CDH12: variants seen among roughly 807,000 people sequenced by gnomAD.
The protein encoded by CDH12 is cadherin 12, also known as cadherin-12.
Under a neutral mutation model 74.1 loss-of-function variants are expected in CDH12, and 41 were observed. That is an observed-to-expected ratio of 0.55 (90% CI 0.43 to 0.72). CDH12 has a LOEUF of 0.72. Ranked by LOEUF, CDH12 falls within the 30% of genes least tolerant of loss-of-function variation. CDH12 has a pLI of 0.00. For missense variants in CDH12, 945 were observed against 977.2 expected (o/e 0.97, Z 0.44); for synonymous variants, 399 against 355.0 (o/e 1.12, Z -1.39).
At chr5:21,925,285 T>A (rs968005194) in intron 6 of CDH12, among the ~76,000 whole-genome samples, 1 of 152,198 alleles carries the variant, frequency 6.6e-6, no homozygotes, top group African/African-American at 2.4e-5. Flanking sequence ...AGGAAACTGC[T>A]TTTCAAGTCC....
intron 6 of CDH12, among the ~76,000 whole-genome samples, chr5:21,909,009 C>A (rs1268388107): frequency 6.6e-6 from 1 of 152,012 alleles, no homozygotes; most frequent in African/African-American, 2.4e-5. Flanking sequence ...TCTTTTTTTC[C>A]TTGGCTTCTG....
At chr5:22,751,364 T>A (rs1745567377) in intron 1 of CDH12, among the ~76,000 whole-genome samples, 1 of 148,576 alleles carries the variant, frequency 6.7e-6, no homozygotes. Flanking sequence ...ATATAATATC[T>A]ACAAAGTATA....
chr5:22,726,897 T>C (rs529875669), intron 1 of CDH12, among the ~76,000 whole-genome samples: 3 of 151,988 alleles, frequency 2.0e-5, no homozygotes, highest in South Asian at 4.1e-4. Flanking sequence ...AGAATACTTA[T>C]ATATTGTTTT....
intron 3 of CDH12, among the ~76,000 whole-genome samples, chr5:22,230,369 T>G (rs958819391): frequency 2.0e-5 from 3 of 152,166 alleles, no homozygotes; most frequent in African/African-American, 4.8e-5. Flanking sequence ...CTGGGTAGAT[T>G]GCCCTGTTCA....
chr5:22,255,748 T>C (rs1461888780), intron 3 of CDH12, among the ~76,000 whole-genome samples: 1 of 151,778 alleles, frequency 6.6e-6, no homozygotes, highest in Non-Finnish European at 1.5e-5. Context: ...AAATAACTGA[T>C]CTAGAACAAG....
intron 2 of CDH12, among the ~76,000 whole-genome samples, chr5:22,438,881 A>C (rs563799790): frequency 6.6e-6 from 1 of 151,882 alleles, no homozygotes; most frequent in Admixed American, 6.6e-5. Context: ...GAAGAAAATA[A>C]ATTTAATAAT....
intron 3 of CDH12, among the ~76,000 whole-genome samples, chr5:22,378,494 G>A (rs1741630287): frequency 6.6e-6 from 1 of 152,038 alleles, no homozygotes; most frequent in Admixed American, 6.6e-5. Context: ...ATAGTTTGTA[G>A]AGTTGGATGA....
intron 1 of CDH12, among the ~76,000 whole-genome samples, chr5:22,577,859 C>T (rs1739870182): frequency 1.3e-5 from 2 of 152,154 alleles, no homozygotes; most frequent in Admixed American, 1.3e-4. Flanking sequence ...ATTGCAAAGA[C>T]AACCTGATTG....
intron 4 of CDH12, among the ~76,000 whole-genome samples, chr5:22,175,166 A>C (rs1749259396): frequency 6.6e-6 from 1 of 152,036 alleles, no homozygotes; most frequent in African/African-American, 2.4e-5. Flanking sequence ...CTCATAAATA[A>C]ATTTAGTTCT....
chr5:22,380,259 A>G (rs994774047), intron 3 of CDH12, among the ~76,000 whole-genome samples: 2 of 151,994 alleles, frequency 1.3e-5, no homozygotes, highest in African/African-American at 4.8e-5. Context: ...AAATTAATCA[A>G]CCTCCACTGG....
chr5:21,805,639 G>C (rs1201633438), intron 9 of CDH12, among the ~76,000 whole-genome samples: 1 of 152,016 alleles, frequency 6.6e-6, no homozygotes, highest in African/African-American at 2.4e-5. Flanking sequence ...GCTCAGAAAG[G>C]GCAAAGAGAA....
chr5:22,169,938 A>G (rs201924671), intron 4 of CDH12, among the ~76,000 whole-genome samples: 5 of 151,362 alleles, frequency 3.3e-5, no homozygotes, highest in South Asian at 2.1e-4. Flanking sequence ...TCTTCCATAT[A>G]TTCCTATGAG....
At chr5:21,804,643 AACACACACACACACACACACACACAC>A (rs11281181) in intron 9 of CDH12, among the ~76,000 whole-genome samples, 1 of 115,272 alleles carries the variant, frequency 8.7e-6, no homozygotes, top group South Asian at 2.8e-4. Flanking sequence ...AGTGAATTAA[AACACACACACACACACACACACACAC>A]ACACACACAC....
At chr5:22,296,545 C>G (rs1737630779) in intron 3 of CDH12, among the ~76,000 whole-genome samples, 1 of 151,994 alleles carries the variant, frequency 6.6e-6, no homozygotes, top group African/African-American at 2.4e-5. Flanking sequence ...ACTGCTATCT[C>G]CCATAATTAA....
At position 21,884,453 on chromosome 5, in the gene CDH12, G is replaced by T. The variant is rs1354703475; in HGVS notation, c.527-29663C>A. 1.4e-4 allele frequency: 96 copies of T among 682,548 alleles called. No individual in the cohort carries two copies. The Admixed American group carries it at 2.2e-3, about 16-fold the overall frequency. The allele number at this position is 682,548 out of a possible 1,614,324, so 42.3% of individuals were successfully genotyped here. A position where few individuals can be genotyped will look rare whatever the true frequency, so the allele number is the denominator to read the frequency against. On this transcript the variant is annotated intron_variant, in intron 6 of 14. Transcript: ENST00000382254. Reference sequence around the variant, plus strand: ...AAAATCACTATAACCATCAGTTACTGGTTTCAGTTGACAAAATATATAATG... The same window carrying T: ...AAAATCACTATAACCATCAGTTACTTGTTTCAGTTGACAAAATATATAATG...
intron 1 of CDH12, among the ~76,000 whole-genome samples, chr5:22,822,295 G>C (rs867147648): frequency 5.4e-4 from 82 of 152,058 alleles, no homozygotes; most frequent in African/African-American, 1.8e-3. Flanking sequence ...GAAAACCTAG[G>C]CAATACCATT....
chr5:22,731,386 C>T (rs1350160846), intron 1 of CDH12, among the ~76,000 whole-genome samples: 1 of 151,830 alleles, frequency 6.6e-6, no homozygotes, highest in Admixed American at 6.6e-5. Flanking sequence ...GTCATTAAAA[C>T]ATTAGCGTTT....
chr5:22,364,651 T>C, intron 3 of CDH12, among the ~76,000 whole-genome samples: 1 of 152,214 alleles, frequency 6.6e-6, no homozygotes, highest in Middle Eastern at 3.2e-3. Flanking sequence ...TCTTGCTACC[T>C]AGAAGACTGC....
intron 1 of CDH12, among the ~76,000 whole-genome samples, chr5:22,635,572 G>C (rs1352289891): frequency 6.6e-6 from 1 of 152,218 alleles, no homozygotes; most frequent in Middle Eastern, 3.4e-3. Context: ...GGAAGAAAAT[G>C]TCTTCAAATT....
Sources: gnomAD v4.1 joint callset for allele counts (sites outside exome capture counted in the v4.1 genomes callset) on GRCh38, gnomAD v4.1.1 for gene constraint, MANE v1.5 for transcripts, NCBI Gene and HGNC (gene_info 2026-07-23, HGNC 2026-07-21) for gene names.